DLGAP2: variants seen among roughly 807,000 people sequenced by gnomAD.
DLGAP2 encodes the protein DLG associated protein 2, also known as disks large-associated protein 2.
Under a neutral mutation model 100.3 loss-of-function variants are expected in DLGAP2, and 26 were observed. That is an observed-to-expected ratio of 0.26 (90% CI 0.19 to 0.36). The LOEUF is 0.36. Ranked by LOEUF, DLGAP2 falls within the 10% of genes least tolerant of loss-of-function variation. DLGAP2 has a pLI of 1.00. For missense variants in DLGAP2, 1,858 were observed against 1,453.2 expected (o/e 1.28, Z -4.53); for synonymous variants, 886 against 630.1 (o/e 1.41, Z -6.08).
At chr8:1,358,438 A>G (rs1801904530) in intron 3 of DLGAP2, among the ~76,000 whole-genome samples, 3 of 152,124 alleles carry the variant, frequency 2.0e-5, no homozygotes, top group South Asian at 4.1e-4. Flanking sequence ...TTAAGGAGGT[A>G]GATTTTAGCT....
intron 2 of DLGAP2, among the ~76,000 whole-genome samples, chr8:1,147,332 A>C (rs1406779619): frequency 6.6e-6 from 1 of 152,152 alleles, no homozygotes; most frequent in Non-Finnish European, 1.5e-5. Flanking sequence ...TTGTATGGAA[A>C]TACATTTTTT....
At chr8:1,528,300 C>T (rs903767710) in intron 4 of DLGAP2, among the ~76,000 whole-genome samples, 9 of 152,220 alleles carry the variant, frequency 5.9e-5, no homozygotes, top group African/African-American at 1.4e-4. Flanking sequence ...CCCAGGAGGA[C>T]CTGAGCCCAC....
intron 4 of DLGAP2, among the ~76,000 whole-genome samples, chr8:1,530,583 C>G (rs969005680): frequency 6.6e-6 from 1 of 152,160 alleles, no homozygotes; most frequent in Non-Finnish European, 1.5e-5. Context: ...TAGGAAATCA[C>G]AAGGGTACTG....
At chr8:1,570,010 G>A (rs1265787581) in intron 6 of DLGAP2, among the ~76,000 whole-genome samples, 2 of 152,212 alleles carry the variant, frequency 1.3e-5, no homozygotes, top group African/African-American at 4.8e-5. Context: ...AGGAGAGAAA[G>A]GAAGAAAACG....
intron 2 of DLGAP2, among the ~76,000 whole-genome samples, chr8:1,161,654 G>A (rs1007012563): frequency 1.4e-4 from 22 of 152,226 alleles, no homozygotes; most frequent in African/African-American, 5.3e-4. Context: ...TTGAACGCCT[G>A]TAGGGAAATG....
intron 8 of DLGAP2, among the ~76,000 whole-genome samples, chr8:1,655,456 A>G (rs548297091): frequency 6.6e-6 from 1 of 152,342 alleles, no homozygotes; most frequent in East Asian, 1.9e-4. Flanking sequence ...AATGCTTGCC[A>G]TTCAAGGGAT....
chr8:1,606,345 A>G (rs1273761470), intron 6 of DLGAP2, among the ~76,000 whole-genome samples: 1 of 152,178 alleles, frequency 6.6e-6, no homozygotes, highest in Non-Finnish European at 1.5e-5. Flanking sequence ...CGCGAACATC[A>G]GTGCAATCCA....
Position 1,291,884 on chromosome 8 carries a change from C to G in DLGAP2, c.106+33001C>G, listed in dbSNP as rs73670713. Among the ~76,000 whole-genome samples the G allele has an allele frequency of 2.0e-3, 304 of 152,304 alleles. 1 individual carries two copies. Among genetic ancestry groups the G allele is most frequent in the African/African-American group, 7.1e-3 (296 of 41,562 alleles). On this transcript the variant is annotated intron_variant, in intron 3 of 14. Coordinates refer to ENST00000637795, the MANE Select transcript of DLGAP2 (RefSeq NM_001346810.2). Reference sequence around the variant, plus strand: ...CTAATCACCCAGCCTTCTCTCCAGTCTTGCCCTTGACTAACTTTTGACTAT... The same window carrying G: ...CTAATCACCCAGCCTTCTCTCCAGTGTTGCCCTTGACTAACTTTTGACTAT...
rs1420356216 is a variant in DLGAP2 at position 1,702,724 on chromosome 8, A to C, written c.*1318A>C. 6.6e-6 allele frequency: 1 copy of C among 152,278 alleles called. No homozygotes were observed. Among genetic ancestry groups the C allele is most frequent in the African/African-American group, 2.4e-5 (1 of 41,466 alleles). 9.4% of individuals were successfully genotyped at this position (152,278 alleles called of 1,614,324 possible). A position where few individuals can be genotyped will look rare whatever the true frequency, so the allele number is the denominator to read the frequency against. ...GTATATAATTAAATTTAGCTGCTGC[A>C]ACCATTGTTCTGACACGACTTCTGT... On this transcript the variant is annotated 3_prime_UTR_variant, in exon 15 of 15. Transcript: ENST00000637795.
At chr8:1,613,235 CT>C (rs1797037253) in intron 6 of DLGAP2, among the ~76,000 whole-genome samples, 1 of 143,820 alleles carries the variant, frequency 7.0e-6, no homozygotes, top group Non-Finnish European at 1.5e-5. Context: ...AGTTCATGTC[CT>C]TTGTAGGGAC....
At chr8:1,172,332 C>T (rs1585120493) in intron 2 of DLGAP2, among the ~76,000 whole-genome samples, 1 of 151,958 alleles carries the variant, frequency 6.6e-6, no homozygotes, top group African/African-American at 2.4e-5. Context: ...TCCTTCATTT[C>T]CACTTTGGTG....
intron 3 of DLGAP2, among the ~76,000 whole-genome samples, chr8:1,421,417 A>G (rs1420431445): frequency 6.6e-6 from 1 of 152,182 alleles, no homozygotes; most frequent in Non-Finnish European, 1.5e-5. Flanking sequence ...CAGAATAATA[A>G]CACCCACACA....
intron 2 of DLGAP2, among the ~76,000 whole-genome samples, chr8:960,478 G>A (rs972732927): frequency 4.0e-5 from 6 of 151,830 alleles, no homozygotes; most frequent in South Asian, 4.2e-4. Context: ...CAGGCAATCC[G>A]TCTGCCTTGG....
intron 4 of DLGAP2, among the ~76,000 whole-genome samples, chr8:1,540,476 C>T (rs1801324650): frequency 6.6e-6 from 1 of 152,170 alleles, no homozygotes; most frequent in South Asian, 2.1e-4. Context: ...AAAACTCATA[C>T]CACAGAAGAT....
At chr8:1,359,436 G>A (rs1801927217) in intron 3 of DLGAP2, among the ~76,000 whole-genome samples, 2 of 152,278 alleles carry the variant, frequency 1.3e-5, no homozygotes, top group Admixed American at 6.5e-5. Context: ...AGTAAGGACA[G>A]GTTGGAGCCC....
intron 1 of DLGAP2, among the ~76,000 whole-genome samples, chr8:904,672 G>C (rs1444136535): frequency 6.6e-6 from 1 of 152,176 alleles, no homozygotes; most frequent in Non-Finnish European, 1.5e-5. Context: ...CAGTATTTCG[G>C]GAACACATGT....
At chr8:803,475 C>T (rs148378615) in intron 1 of DLGAP2, among the ~76,000 whole-genome samples, 4 of 152,244 alleles carry the variant, frequency 2.6e-5, no homozygotes, top group East Asian at 1.9e-4. Flanking sequence ...ACTCTAGCTG[C>T]TCCTGTCCAT....
intron 1 of DLGAP2, among the ~76,000 whole-genome samples, chr8:897,655 C>A (rs541603789): frequency 7.0e-4 from 107 of 152,334 alleles, no homozygotes; most frequent in African/African-American, 2.5e-3. Context: ...CCTCTGCCGC[C>A]CCTTCCCTGC....
At chr8:887,922 G>T (rs973319518) in intron 1 of DLGAP2, among the ~76,000 whole-genome samples, 4 of 152,164 alleles carry the variant, frequency 2.6e-5, no homozygotes, top group Non-Finnish European at 5.9e-5. Context: ...ATGTTGGCCT[G>T]TCTTGCTAGG....
Sources: gnomAD v4.1 joint callset for allele counts (sites outside exome capture counted in the v4.1 genomes callset) on GRCh38, gnomAD v4.1.1 for gene constraint, MANE v1.5 for transcripts, NCBI Gene and HGNC (gene_info 2026-07-23, HGNC 2026-07-21) for gene names.